The following TMEM150B variants were observed in gnomAD, a reference collection of about 807,000 sequenced individuals.
TMEM150B encodes the protein modulator of macroautophagy TMEM150B.
In TMEM150B, 33 loss-of-function variants were observed where a neutral mutation model predicts 25.2. That is an observed-to-expected ratio of 1.31 (90% CI 0.99 to 1.75). The LOEUF (loss-of-function observed/expected upper bound fraction) is 1.75, where lower values mean the gene tolerates loss of function less well. Among genes scored for constraint, TMEM150B ranks in the 40% most tolerant of loss-of-function variants. The pLI is 0.00. For synonymous variants in TMEM150B, 133 were observed against 134.8 expected (o/e 0.99, Z 0.09); for missense variants, 322 against 306.1 (o/e 1.05, Z -0.39).
chr19:55,314,185 C>T (rs184076817), intron 7 of TMEM150B, among the ~76,000 whole-genome samples: 192 of 152,250 alleles, frequency 1.3e-3, no homozygotes, highest in African/African-American at 4.1e-3. Context: ...CCACACCTGG[C>T]TAATTTTTGT....
At chr19:55,322,515 A>G (rs1332711004) in intron 2 of TMEM150B, 133 bp downstream of exon 2, 1 of 264,768 alleles carries the variant, frequency 3.8e-6, no homozygotes, top group East Asian at 1.8e-4. Flanking sequence ...GCTGTCCTCC[A>G]CTCCAAGCAA....
Position 55,313,064 on chromosome 19 carries a change from G to C in TMEM150B, c.506-9C>G. The C allele has an allele frequency of 6.2e-7, 1 of 1,605,228 alleles. No homozygotes were observed. Among genetic ancestry groups the C allele is most frequent in the Non-Finnish European group, 8.5e-7 (1 of 1,176,410 alleles). On this transcript the variant is annotated splice_polypyrimidine_tract_variant and intron_variant, in intron 7 of 7. Coordinates refer to ENST00000326652, the MANE Select transcript of TMEM150B (RefSeq NM_001282011.2). ...GGCGTGGAGGACGATCACTGCCCCA[G>C]GGTCAAGGGCCACACTGCTACCGTG...
At chr19:55,323,507 CTT>C (rs952751873) in intron 1 of TMEM150B, among the ~76,000 whole-genome samples, 7 of 144,514 alleles carry the variant, frequency 4.8e-5, no homozygotes, top group Admixed American at 7.0e-5. Flanking sequence ...TCGCCTCTTT[CTT>C]TTTTTTTTTT....
chr19:55,312,446 A>G, downstream of TMEM150B: 1 of 105,202 alleles, frequency 9.5e-6, no homozygotes, highest in Non-Finnish European at 1.7e-5. Context: ...TCCTCCCCCC[A>G]CGACCTTCTG....
In TMEM150B at chr19:55,320,065, C is replaced by T. The variant is rs1295392892; in HGVS notation, c.298G>A (p.Gly100Ser). Residue 100 changes from glycine (G) to serine (S), a missense_variant, in exon 6 of 8, where the codon GGC (glycine) becomes AGC (serine). Coordinates refer to ENST00000326652, the MANE Select transcript of TMEM150B (RefSeq NM_001282011.2). Reference protein sequence around the residue: ...ILWTGLLCALGTSVVGNFQEK... With the variant: ...ILWTGLLCALSTSVVGNFQEK... ...TGGAAATTGCCTACCACGGAGGTGC[C>T]CAGGGCACACAGAAGACCCGTCCAT... is the stretch of plus-strand genomic sequence containing the variant. 1 of 1,614,122 alleles carries T rather than the reference C, an allele frequency of 6.2e-7. No individual in the cohort carries two copies. The highest frequency in any genetic ancestry group is 2.2e-5 in the East Asian group (1 of 44,874).
chr19:55,318,115 CTT>C (rs2089066717), intron 6 of TMEM150B, among the ~76,000 whole-genome samples: 1 of 152,090 alleles, frequency 6.6e-6, no homozygotes, highest in Non-Finnish European at 1.5e-5. Context: ...AATCCCAACA[CTT>C]AGGGAGGCCA....
intron 7 of TMEM150B, among the ~76,000 whole-genome samples, chr19:55,315,113 C>T (rs747059909): frequency 2.0e-5 from 3 of 151,300 alleles, no homozygotes; most frequent in Admixed American, 6.6e-5. Flanking sequence ...GTCAGGAGTT[C>T]GAGACCAGCC....
At chr19:55,321,771 C>T (rs2089213415) in intron 2 of TMEM150B, among the ~76,000 whole-genome samples, 1 of 152,168 alleles carries the variant, frequency 6.6e-6, no homozygotes, top group Non-Finnish European at 1.5e-5. Context: ...TTCTCCAGCT[C>T]CTGATGTCCA....
intron 2 of TMEM150B, among the ~76,000 whole-genome samples, chr19:55,321,612 C>T (rs987754743): frequency 6.6e-6 from 1 of 152,060 alleles, no homozygotes; most frequent in Non-Finnish European, 1.5e-5. Context: ...TTCAGGGGCC[C>T]CTAACTTCCT....
chr19:55,321,079 C>CT lies in TMEM150B; in HGVS notation c.-44dup, dbSNP rs1376005865. 3 of 1,589,960 alleles carry CT rather than the reference C, an allele frequency of 1.9e-6. No individual in the cohort carries two copies. In the African/African-American group the frequency reaches 4.0e-5, roughly 21 times the overall value. On this transcript the variant is annotated 5_prime_UTR_variant, in exon 3 of 8. Transcript: ENST00000326652. Reference sequence around the variant, plus strand: ...AAGGATCGGGGCTGAGGCTGGACACCTGTCTCTCTCACACCTGAAGAACCA... The same window carrying CT: ...AAGGATCGGGGCTGAGGCTGGACACCTTGTCTCTCTCACACCTGAAGAACCA...
At chr19:55,323,441 GA>G (rs146272852) in intron 1 of TMEM150B, among the ~76,000 whole-genome samples, 14,348 of 143,156 alleles carry the variant, frequency 0.1, 749 homozygotes, top group Middle Eastern at 0.19. Context: ...TCAGAAAAAA[GA>G]AAAAAAAAAT....
chr19:55,313,723 C>T (rs563771787), intron 7 of TMEM150B, among the ~76,000 whole-genome samples: 7 of 152,276 alleles, frequency 4.6e-5, no homozygotes, highest in African/African-American at 1.7e-4. Flanking sequence ...GCCTTTCTCT[C>T]CTGGTCTGTC....
chr19:55,312,180 A>C, downstream of TMEM150B: 11 of 533,882 alleles, frequency 2.1e-5, no homozygotes, highest in Admixed American at 3.8e-5. Flanking sequence ...GTGGACACAA[A>C]AACCGGCCTT....
At chr19:55,311,823 G>A (rs1035510062), downstream of TMEM150B, 9 of 1,415,996 alleles carry the variant, frequency 6.4e-6, no homozygotes, top group African/African-American at 5.7e-5. Context: ...GAGACCGACT[G>A]ATGAGGAGAC....
intron 6 of TMEM150B, 75 bp downstream of exon 6, chr19:55,319,964 T>C: frequency 6.2e-7 from 1 of 1,604,704 alleles, no homozygotes; most frequent in Non-Finnish European, 8.5e-7. Context: ...AATAAGCCTA[T>C]GGCCACGGGG....
At chr19:55,310,610 A>G (rs902652920), downstream of TMEM150B, among the ~76,000 whole-genome samples, 9 of 152,210 alleles carry the variant, frequency 5.9e-5, no homozygotes, top group Non-Finnish European at 7.4e-5. This position sits in a 1 kb window ranked among gnomAD's most constrained non-coding sequence, Gnocchi z 5.0. Flanking sequence ...TGGGGAAAAC[A>G]GGGGGATGCC....
downstream of TMEM150B, among the ~76,000 whole-genome samples, chr19:55,310,318 G>C (rs1012246435): frequency 6.6e-6 from 1 of 152,058 alleles, no homozygotes; most frequent in African/African-American, 2.4e-5. The surrounding 1 kb of genome is among the most constrained non-coding windows in gnomAD (Gnocchi z 5.0). Context: ...GTTAAGGCCC[G>C]TTCCTCCATC....
Position 55,315,196 on chromosome 19 carries a change from G to C in TMEM150B, c.505+1590C>G, listed in dbSNP as rs190253127. 5.4e-3 allele frequency among the ~76,000 whole-genome samples: 816 copies of C among 152,084 alleles called. 4 individuals are homozygous for C. Among genetic ancestry groups the C allele is most frequent in the African/African-American group, 0.019 (771 of 41,472 alleles). On this transcript the variant is annotated intron_variant, in intron 7 of 7. Coordinates refer to ENST00000326652, the MANE Select transcript of TMEM150B (RefSeq NM_001282011.2). ...CCAGGTGTGGTGGTGCATGCCTGTA[G>C]TCCCAGCTACTTGGGAGGCTGAGGC...
intron 5 of TMEM150B, 62 bp downstream of exon 5, chr19:55,320,329 G>A (rs938845029): frequency 4.7e-6 from 7 of 1,500,906 alleles, no homozygotes; most frequent in East Asian, 4.6e-5. Flanking sequence ...AGAAAGGAGC[G>A]GTTTCGGAAC....
Sources: allele counts gnomAD v4.1 joint callset (sites outside exome capture counted in the v4.1 genomes callset), GRCh38; gene constraint gnomAD v4.1.1; non-coding constraint Gnocchi (gnomAD v3.1); transcripts MANE v1.5; gene names NCBI Gene and HGNC (gene_info 2026-07-23, HGNC 2026-07-21).